FGF8: variants seen among roughly 807,000 people sequenced by gnomAD.
FGF8 encodes fibroblast growth factor 8, also known as androgen-induced growth factor.
A neutral mutation model predicts 29.7 loss-of-function variants in FGF8; 12 were observed. The observed-to-expected ratio is 0.40, with a 90% CI of 0.26 to 0.65. The LOEUF is 0.65. FGF8 is among the 30% of genes least tolerant of loss of function. FGF8 has a pLI of 0.37. For synonymous variants in FGF8, 157 were observed against 144.4 expected, an observed-to-expected ratio of 1.09 and a Z score of -0.63; for missense variants, 271 against 345.1, an observed-to-expected ratio of 0.79 and a Z score of 1.70.
chr10:101,775,105 A>G lies in FGF8; in HGVS notation c.156+25T>C. 1 of 1,541,988 alleles carries G rather than the reference A, an allele frequency of 6.5e-7. No individual in the cohort carries two copies. The highest frequency in any genetic ancestry group is 8.8e-7 in the Non-Finnish European group (1 of 1,141,166). On this transcript the variant is annotated intron_variant, in intron 3 of 5. Transcript: ENST00000320185. This position sits in a 1 kb window ranked among gnomAD's most constrained non-coding sequence, Gnocchi z 4.6. ...GGGCAGACCCAGCCCAGGATGAACG[A>G]GCCCCAGGGAGAAGCTGGACCCACC...
chr10:101,779,029 C>G (rs576697083), upstream of FGF8, among the ~76,000 whole-genome samples: 1 of 152,270 alleles, frequency 6.6e-6, no homozygotes, highest in East Asian at 1.9e-4. The surrounding 1 kb of genome is among the most constrained non-coding windows in gnomAD (Gnocchi z 5.7). Flanking sequence ...ACACAAACTC[C>G]CTCGCCTGCA....
At chr10:101,774,402 T>C (rs1260786703) in intron 4 of FGF8, among the ~76,000 whole-genome samples, 8 of 152,154 alleles carry the variant, frequency 5.3e-5, no homozygotes, top group Non-Finnish European at 1.0e-4. Flanking sequence ...TGGCGACATA[T>C]CCTCTTTCAA....
chr10:101,770,376 G>C lies in FGF8; in HGVS notation c.688C>G (p.Arg230Gly). The C allele has an allele frequency of 6.2e-7, 1 of 1,602,860 alleles. No homozygotes were observed. Among genetic ancestry groups the C allele is most frequent in the Non-Finnish European group, 8.5e-7 (1 of 1,176,092 alleles). Residue 230 changes from arginine to glycine, a missense_variant, in exon 6 of 6, where the codon CGC becomes GGC. By Grantham distance (125) the Arg-to-Gly change is moderately radical (BLOSUM62 -2). Transcript: ENST00000320185. ...GTCCTCTGGCTGCCGCGCAGGCTGCGCGTGAAGGGCGGGTAGTTGAGGAAC... is the reference window on the plus strand; with the variant it reads ...GTCCTCTGGCTGCCGCGCAGGCTGCCCGTGAAGGGCGGGTAGTTGAGGAAC... ...FEFLNYPPFTRSLRGSQRTWA... is the reference protein window; with the variant it reads ...FEFLNYPPFTGSLRGSQRTWA...
At position 101,770,114 on chromosome 10, in the gene FGF8, T is replaced by G; in HGVS notation, c.*215A>C. On this transcript the variant is annotated 3_prime_UTR_variant, in exon 6 of 6. Coordinates refer to ENST00000320185, the MANE Select transcript of FGF8 (RefSeq NM_033163.5). ...AGACAGACACCACAGCCAAGTGGAA[T>G]ACAAAAATAGAGCCTCTCTTTTGTT... 1 of 439,014 alleles carries G rather than the reference T, an allele frequency of 2.3e-6. No individual in the cohort carries two copies. 27.2% of individuals were successfully genotyped at this position (439,014 alleles called of 1,614,324 possible). A position where few individuals can be genotyped will look rare whatever the true frequency, so the allele number is the denominator to read the frequency against.
In FGF8 at chr10:101,771,395, G is replaced by T; in HGVS notation, c.444+68C>A. 1 of 1,179,024 alleles carries T rather than the reference G, an allele frequency of 8.5e-7. No homozygotes were observed. Among genetic ancestry groups the T allele is most frequent in the Non-Finnish European group, 1.3e-6 (1 of 785,394 alleles). 73.0% of individuals were successfully genotyped at this position (1,179,024 alleles called of 1,614,324 possible). A position where few individuals can be genotyped will look rare whatever the true frequency, so the allele number is the denominator to read the frequency against. On this transcript the variant is annotated intron_variant, in intron 5 of 5. Coordinates refer to ENST00000320185, the MANE Select transcript of FGF8 (RefSeq NM_033163.5). The surrounding 1 kb of genome is among the most constrained non-coding windows in gnomAD (Gnocchi z 5.3). ...TGGGATCAGAGCCCAGGACTGTCTT[G>T]GAGGAGTCCAGCCAGCCCAAGCCAC...
upstream of FGF8, among the ~76,000 whole-genome samples, chr10:101,778,941 C>A (rs1172647339): frequency 6.6e-6 from 1 of 152,216 alleles, no homozygotes. Context: ...CGCCTGTCAA[C>A]CTGATCGCTG....
At chr10:101,776,580 G>A (rs1207185685), upstream of FGF8, among the ~76,000 whole-genome samples, 2 of 151,998 alleles carry the variant, frequency 1.3e-5, no homozygotes, top group South Asian at 2.1e-4. Context: ...AGCCGCTTCC[G>A]CCGCCGGCTA....
In FGF8 at chr10:101,775,642, G is replaced by T; in HGVS notation, c.69+98C>A. 7.1e-7 allele frequency: 1 copy of T among 1,399,770 alleles called. No homozygotes were observed. The highest frequency in any genetic ancestry group is 1.3e-5 in the South Asian group (1 of 77,482). The allele number at this position is 1,399,770 out of a possible 1,614,324, so 86.7% of individuals were successfully genotyped here. ...TCTAAGGTGCCCTCAGCCCTCCCGCGCCGGCCGCAGAGTCAGTCCCGGTGC... is the reference window on the plus strand; with the variant it reads ...TCTAAGGTGCCCTCAGCCCTCCCGCTCCGGCCGCAGAGTCAGTCCCGGTGC... On this transcript the variant is annotated intron_variant, in intron 2 of 5. Transcript: ENST00000320185. This position sits in a 1 kb window ranked among gnomAD's most constrained non-coding sequence, Gnocchi z 4.6.
At chr10:101,776,730 C>T (rs567908996), upstream of FGF8, among the ~76,000 whole-genome samples, 1 of 152,220 alleles carries the variant, frequency 6.6e-6, no homozygotes, top group South Asian at 2.1e-4. Flanking sequence ...CTGTTTCGGC[C>T]GCGTGCCCCG....
At chr10:101,774,240 A>G (rs1184232001) in intron 4 of FGF8, among the ~76,000 whole-genome samples, 2 of 152,188 alleles carry the variant, frequency 1.3e-5, no homozygotes, top group Non-Finnish European at 2.9e-5. Flanking sequence ...CAGGGAATGG[A>G]GCAGGGAGAG....
At chr10:101,774,304 T>A (rs2065060361) in intron 4 of FGF8, among the ~76,000 whole-genome samples, 1 of 152,190 alleles carries the variant, frequency 6.6e-6, no homozygotes, top group African/African-American at 2.4e-5. Flanking sequence ...ATTAAAGTAT[T>A]TAAGGGTTCC....
Position 101,775,641 on chromosome 10 carries a change from C to G in FGF8, c.69+99G>C. 7.1e-7 allele frequency: 1 copy of G among 1,399,520 alleles called. No homozygotes were observed. Among genetic ancestry groups the G allele is most frequent in the Non-Finnish European group, 9.7e-7 (1 of 1,033,872 alleles). The allele number at this position is 1,399,520 out of a possible 1,614,324, so 86.7% of individuals were successfully genotyped here. ...TTCTAAGGTGCCCTCAGCCCTCCCGCGCCGGCCGCAGAGTCAGTCCCGGTG... is the reference window on the plus strand; with the variant it reads ...TTCTAAGGTGCCCTCAGCCCTCCCGGGCCGGCCGCAGAGTCAGTCCCGGTG... On this transcript the variant is annotated intron_variant, in intron 2 of 5. Transcript: ENST00000320185. The surrounding 1 kb of genome is among the most constrained non-coding windows in gnomAD (Gnocchi z 4.6).
intron 4 of FGF8, among the ~76,000 whole-genome samples, chr10:101,774,167 T>C (rs76180756): frequency 1.1e-4 from 16 of 152,332 alleles, no homozygotes; most frequent in Admixed American, 2.0e-4. Flanking sequence ...CTGCCGGCAG[T>C]AGCTCTCCGC....
chr10:101,780,092 C>G (rs2065130746), upstream of FGF8, among the ~76,000 whole-genome samples: 1 of 152,214 alleles, frequency 6.6e-6, no homozygotes, highest in Non-Finnish European at 1.5e-5. Context: ...CTCTCCCTGC[C>G]GACCGCGCTC....
In FGF8 at chr10:101,770,537, T is replaced by G; in HGVS notation, c.527A>C (p.Glu176Ala). ...GCGGGTGAAGGCCATGTACCAGCCC[T>G]CGTACTTGGCATTCTGCAGCGCTGT... is the stretch of plus-strand genomic sequence containing the variant. ...NYTALQNAKY[E>A]GWYMAFTRKG... Residue 176 changes from glutamate (E) to alanine (A), a missense_variant, in exon 6 of 6, where the codon GAG (glutamate) becomes GCG (alanine). By Grantham distance (107) the Glu-to-Ala change is moderately radical. This residue lies in a region of FGF8 where 41 missense variants were observed against 80.0 expected (regional missense o/e 0.51). Coordinates refer to ENST00000320185, the MANE Select transcript of FGF8 (RefSeq NM_033163.5). 1 of 1,613,570 alleles carries G rather than the reference T, an allele frequency of 6.2e-7. No individual in the cohort carries two copies. The highest frequency in any genetic ancestry group is 8.5e-7 in the Non-Finnish European group (1 of 1,179,978).
upstream of FGF8, among the ~76,000 whole-genome samples, chr10:101,780,096 C>T (rs966768031): frequency 1.1e-4 from 16 of 152,350 alleles, no homozygotes; most frequent in African/African-American, 3.4e-4. Flanking sequence ...CCCTGCCGAC[C>T]GCGCTCCGCA....
intron 4 of FGF8, among the ~76,000 whole-genome samples, chr10:101,773,153 C>T (rs1421124214): frequency 6.6e-6 from 1 of 152,164 alleles, no homozygotes; most frequent in Admixed American, 6.5e-5. Flanking sequence ...TGCTGTGGGG[C>T]AGGGACTAGG....
rs1308204127 is a variant in FGF8, at chr10:101,776,081, T to C, written c.-181A>G. 9.4e-6 allele frequency: 2 copies of C among 212,572 alleles called. No homozygotes were observed. Among genetic ancestry groups the C allele is most frequent in the African/African-American group, 2.5e-5 (1 of 39,802 alleles). The allele number at this position is 212,572 out of a possible 1,614,324, so 13.2% of individuals were successfully genotyped here. A position where few individuals can be genotyped will look rare whatever the true frequency, so the allele number is the denominator to read the frequency against. On this transcript the variant is annotated 5_prime_UTR_variant, in exon 1 of 6. Transcript: ENST00000320185. ...TGCTCGCCGCGCCGCACCGAATCGC[T>C]GTGCGCCGCTGCCGGAGCCGGTGGC...
Position 101,770,378 on chromosome 10 carries a change from G to T in FGF8, c.686C>A (p.Thr229Lys), listed in dbSNP as rs137852664. The T allele has an allele frequency of 1.2e-6, 2 of 1,603,408 alleles. No individual in the cohort carries two copies. The highest frequency in any genetic ancestry group is 2.3e-5 in the East Asian group (1 of 44,424). The change falls in exon 6 of 6, where the codon ACG (threonine) becomes AAG (lysine). Residue 229 changes from threonine to lysine, a missense_variant. Thr to Lys is a moderately conservative substitution (Grantham distance 78). Around this residue, in one of 3 missense-constraint regions of FGF8, gnomAD observed 62 missense variants for 58.1 expected, o/e 1.07. Transcript: ENST00000320185. ...RFEFLNYPPFTRSLRGSQRTW... is the reference protein window; with the variant it reads ...RFEFLNYPPFKRSLRGSQRTW... The stretch of plus-strand genomic sequence containing the variant: ...CCTCTGGCTGCCGCGCAGGCTGCGC[G>T]TGAAGGGCGGGTAGTTGAGGAACTC...
Sources: gnomAD v4.1 joint callset for allele counts (sites outside exome capture counted in the v4.1 genomes callset) on GRCh38, gnomAD v4.1.1 for gene constraint, gnomAD v4.1.1 regional missense constraint, Gnocchi (gnomAD v3.1) non-coding constraint, MANE v1.5 for transcripts, NCBI Gene and HGNC (gene_info 2026-07-23, HGNC 2026-07-21) for gene names.